The following LPP variants were observed in gnomAD, a reference collection of about 807,000 sequenced individuals.
LPP encodes lipoma-preferred partner.
Under a neutral mutation model 60.4 loss-of-function variants are expected in LPP, and 38 were observed. That is an observed-to-expected ratio of 0.63 (90% CI 0.49 to 0.83). The LOEUF (loss-of-function observed/expected upper bound fraction) is 0.83. Among genes scored for constraint, LPP ranks in the 40% least tolerant of loss-of-function variants. LPP has a pLI of 0.00. For missense variants in LPP, 902 were observed against 783.6 expected (o/e 1.15, Z -1.80); for synonymous variants, 328 against 290.8 (o/e 1.13, Z -1.30).
At chr3:188,700,850 T>C (rs942487133) in intron 7 of LPP, among the ~76,000 whole-genome samples, 1 of 152,206 alleles carries the variant, frequency 6.6e-6, no homozygotes, top group Non-Finnish European at 1.5e-5. Flanking sequence ...GTGATTTCAC[T>C]CTAAAGATTG....
intron 4 of LPP, among the ~76,000 whole-genome samples, chr3:188,482,479 A>G (rs1239185057): frequency 1.3e-5 from 2 of 152,162 alleles, no homozygotes; most frequent in Admixed American, 6.5e-5. Context: ...ATATTTTTTC[A>G]TGCAGTCTGT....
chr3:188,302,480 A>G (rs185673276), intron 2 of LPP, among the ~76,000 whole-genome samples: 8 of 152,360 alleles, frequency 5.3e-5, no homozygotes, highest in African/African-American at 1.7e-4. Flanking sequence ...TCATATGGAC[A>G]TGATAAAGAA....
At chr3:188,496,054 A>G (rs184598625) in intron 5 of LPP, among the ~76,000 whole-genome samples, 1 of 152,300 alleles carries the variant, frequency 6.6e-6, no homozygotes, top group East Asian at 1.9e-4. Context: ...AGCTATTATT[A>G]TCATTATTTT....
intron 2 of LPP, among the ~76,000 whole-genome samples, chr3:188,283,761 G>A: frequency 6.6e-6 from 1 of 151,550 alleles, no homozygotes; most frequent in East Asian, 1.9e-4. Flanking sequence ...TATTAGGAAG[G>A]GTTGTCAGGA....
rs199948974 is a variant in LPP, at chr3:188,492,652, C to CA, written c.306+7949dup. Among the ~76,000 whole-genome samples the CA allele has an allele frequency of 7.0e-4, 106 of 152,284 alleles. 3 individuals are homozygous for CA. In the East Asian group the frequency reaches 0.016, roughly 24 times the overall value. On this transcript the variant is annotated intron_variant, in intron 5 of 11. Transcript: ENST00000617246. ...CAGAGGCTGCAGTGAGCCGAGATTG[C>CA]ACCATTGCCCTCCAGCCTGGGTGAC...
chr3:188,495,064 T>TTATATATATA (rs1192152538), intron 5 of LPP, among the ~76,000 whole-genome samples: 1,322 of 53,860 alleles, frequency 0.025, 135 homozygotes, highest in African/African-American at 0.051. Flanking sequence ...GTTCAGGATT[T>TTATATATATA]TATATATATA....
intron 2 of LPP, among the ~76,000 whole-genome samples, chr3:188,268,972 A>G (rs1245105180): frequency 6.6e-6 from 1 of 152,216 alleles, no homozygotes; most frequent in Non-Finnish European, 1.5e-5. Context: ...TAACTTGCTC[A>G]AGGTTATACT....
intron 9 of LPP, among the ~76,000 whole-genome samples, chr3:188,850,434 A>T (rs565927747): frequency 6.6e-6 from 1 of 152,310 alleles, no homozygotes; most frequent in South Asian, 2.1e-4. Context: ...GATATGTGAA[A>T]TATATTAATA....
chr3:188,691,591 G>T (rs1862138656), intron 7 of LPP, among the ~76,000 whole-genome samples: 1 of 152,142 alleles, frequency 6.6e-6, no homozygotes, highest in Non-Finnish European at 1.5e-5. Flanking sequence ...TGGTTTATTT[G>T]TTGCAAGAAA....
intron 7 of LPP, among the ~76,000 whole-genome samples, chr3:188,632,452 G>A (rs894615010): frequency 6.6e-6 from 1 of 152,164 alleles, no homozygotes; most frequent in Non-Finnish European, 1.5e-5. Context: ...CACATGGTGG[G>A]ACTTCTATCA....
intron 7 of LPP, among the ~76,000 whole-genome samples, chr3:188,644,136 C>A (rs1850689792): frequency 6.6e-6 from 1 of 152,028 alleles, no homozygotes; most frequent in African/African-American, 2.4e-5. Context: ...CAAAGAAATT[C>A]CTGGAGGAGA....
chr3:188,590,141 T>C (rs1204578619), intron 6 of LPP, among the ~76,000 whole-genome samples: 1 of 151,996 alleles, frequency 6.6e-6, no homozygotes, highest in Non-Finnish European at 1.5e-5. Flanking sequence ...GCAGATAAAA[T>C]GTATGATTTC....
At chr3:188,869,761 G>T (rs1217724817) in intron 10 of LPP, among the ~76,000 whole-genome samples, 1 of 152,166 alleles carries the variant, frequency 6.6e-6, no homozygotes, top group East Asian at 1.9e-4. Context: ...CAAGGTTCTG[G>T]AATACTGTTT....
intron 1 of LPP, among the ~76,000 whole-genome samples, chr3:188,214,233 C>T (rs749496361): frequency 3.9e-5 from 6 of 151,958 alleles, no homozygotes; most frequent in Non-Finnish European, 7.4e-5. Flanking sequence ...TGGGTTCAAG[C>T]GATTCTCCTG....
At chr3:188,329,655 A>T (rs4132563) in intron 2 of LPP, among the ~76,000 whole-genome samples, 16,687 of 151,952 alleles carry the variant, frequency 0.11, 1,464 homozygotes, top group East Asian at 0.31. Flanking sequence ...AAAATGTTAA[A>T]CCTTTTGCAT....
At chr3:188,849,272 G>T (rs1762204214) in intron 9 of LPP, among the ~76,000 whole-genome samples, 1 of 152,136 alleles carries the variant, frequency 6.6e-6, no homozygotes, top group Non-Finnish European at 1.5e-5. Context: ...TAGCTGCAAG[G>T]ACGACTGGGA....
intron 1 of LPP, among the ~76,000 whole-genome samples, chr3:188,154,519 T>C (rs1715556599): frequency 6.6e-6 from 1 of 152,036 alleles, no homozygotes; most frequent in Non-Finnish European, 1.5e-5. Context: ...CGGACTTTTC[T>C]GGGCGCCCAG....
intron 2 of LPP, among the ~76,000 whole-genome samples, chr3:188,249,041 C>T (rs1399952873): frequency 6.6e-6 from 1 of 152,132 alleles, no homozygotes; most frequent in Non-Finnish European, 1.5e-5. Flanking sequence ...AGGTGTTTGT[C>T]TACCCTCAGG....
intron 4 of LPP, among the ~76,000 whole-genome samples, chr3:188,477,722 G>A (rs781542442): frequency 1.3e-4 from 20 of 152,174 alleles, no homozygotes; most frequent in Non-Finnish European, 2.5e-4. Flanking sequence ...TTGTATAATG[G>A]AGAGTATTTC....
Sources: gnomAD v4.1 joint callset for allele counts (sites outside exome capture counted in the v4.1 genomes callset) on GRCh38, gnomAD v4.1.1 for gene constraint, MANE v1.5 for transcripts, NCBI Gene and HGNC (gene_info 2026-07-23, HGNC 2026-07-21) for gene names.